TPRG1: variants seen among roughly 807,000 people sequenced by gnomAD.
TPRG1 encodes tumor protein p63 regulated 1.
A neutral mutation model predicts 29.3 loss-of-function variants in TPRG1; 29 were observed. The observed-to-expected ratio is 0.99, with a 90% confidence interval of 0.74 to 1.35. The LOEUF (loss-of-function observed/expected upper bound fraction) is 1.35. Ranked by LOEUF, TPRG1 falls within the 40% of genes most tolerant of loss-of-function variation. TPRG1 has a pLI of 0.00. For missense variants in TPRG1, 327 were observed against 335.0 expected (o/e 0.98, Z 0.19); for synonymous variants, 130 against 116.8 (o/e 1.11, Z -0.73).
intron 4 of TPRG1, among the ~76,000 whole-genome samples, chr3:189,274,935 A>AGTGTGTGTGTGTGT (rs57386934): frequency 2.9e-5 from 4 of 137,734 alleles, no homozygotes; most frequent in East Asian, 4.3e-4. Flanking sequence ...TAATGTAATG[A>AGTGTGTGTGTGTGT]GTGTGTGTGT....
chr3:189,110,422 C>T (rs1037972681), intron 1 of TPRG1, among the ~76,000 whole-genome samples: 4 of 151,990 alleles, frequency 2.6e-5, no homozygotes, highest in African/African-American at 9.7e-5. Flanking sequence ...TTTTAGACTT[C>T]TTTTTCTATT....
chr3:189,166,335 G>T (rs1391922100), intron 5 of TPRG1, among the ~76,000 whole-genome samples: 1 of 152,212 alleles, frequency 6.6e-6, no homozygotes, highest in Non-Finnish European at 1.5e-5. Flanking sequence ...GTTCTAGAGT[G>T]TAATCTTACT....
chr3:189,219,890 G>A, intron 3 of TPRG1: 1 of 444,014 alleles, frequency 2.3e-6, no homozygotes, highest in Non-Finnish European at 3.0e-6. Context: ...AACTCCACCT[G>A]GTGTCTATCC....
At chr3:189,216,128 T>G (rs1320592209) in intron 3 of TPRG1, among the ~76,000 whole-genome samples, 1 of 152,210 alleles carries the variant, frequency 6.6e-6, no homozygotes, top group Non-Finnish European at 1.5e-5. Context: ...AAAGGCAATT[T>G]TTTTTTACTA....
chr3:189,317,251 A>C (rs1385555528), intron 5 of TPRG1, among the ~76,000 whole-genome samples: 1 of 152,150 alleles, frequency 6.6e-6, no homozygotes, highest in Non-Finnish European at 1.5e-5. Context: ...AATTGTTGAG[A>C]TGAATTATAC....
In TPRG1 at chr3:189,323,495, G is replaced by A. The variant is rs945693870; in HGVS notation, c.*2675G>A. ...AAAGTTTTGAGTATTTGCCTAGAGA[G>A]TGATGTGACTTTTGCAGCAGAAGGT... On this transcript the variant is annotated 3_prime_UTR_variant, in exon 6 of 6. Transcript: ENST00000345063. 7.9e-5 allele frequency: 12 copies of A among 152,244 alleles called. No individual in the cohort carries two copies. Among genetic ancestry groups the A allele is most frequent in the African/African-American group, 2.9e-4 (12 of 41,558 alleles). 9.4% of individuals were successfully genotyped at this position (152,244 alleles called of 1,614,324 possible). A position where few individuals can be genotyped will look rare whatever the true frequency, so the allele number is the denominator to read the frequency against.
intron 1 of TPRG1, among the ~76,000 whole-genome samples, chr3:189,195,899 C>G (rs959138627): frequency 9.2e-5 from 14 of 152,184 alleles, no homozygotes; most frequent in African/African-American, 3.1e-4. Flanking sequence ...TGTTACTCCC[C>G]TGATGTACTT....
At chr3:189,260,980 C>T (rs564160076) in intron 4 of TPRG1, among the ~76,000 whole-genome samples, 1 of 152,266 alleles carries the variant, frequency 6.6e-6, no homozygotes, top group East Asian at 1.9e-4. Flanking sequence ...GAAACCGGCT[C>T]GTGGCCCGGG....
intron 4 of TPRG1, among the ~76,000 whole-genome samples, chr3:189,303,635 T>TG (rs1721178379): frequency 1.3e-5 from 2 of 152,226 alleles, no homozygotes; most frequent in African/African-American, 4.8e-5. Flanking sequence ...CATCCTAACT[T>TG]GGTCTGTAAA....
intron 1 of TPRG1, among the ~76,000 whole-genome samples, chr3:189,179,152 G>T (rs547920677): frequency 2.0e-5 from 3 of 152,152 alleles, no homozygotes; most frequent in Non-Finnish European, 4.4e-5. Context: ...GCTGTCTGAT[G>T]CTTTCTGTCA....
chr3:189,324,834 G>A lies in TPRG1; in HGVS notation c.*4014G>A, dbSNP rs966382402. On this transcript the variant is annotated 3_prime_UTR_variant, in exon 6 of 6. Transcript: ENST00000345063. ...AAAAAAGCCAAGGTATTTGCACAGG[G>A]ATGAATGCTCATTGGCTCTTGGCCA... The A allele has an allele frequency of 6.6e-6, 1 of 152,178 alleles. No homozygotes were observed. The highest frequency in any genetic ancestry group is 1.5e-5 in the Non-Finnish European group (1 of 68,040). 9.4% of individuals were successfully genotyped at this position (152,178 alleles called of 1,614,324 possible). A position where few individuals can be genotyped will look rare whatever the true frequency, so the allele number is the denominator to read the frequency against.
At chr3:189,136,905 A>G (rs1723810728) in intron 3 of TPRG1, among the ~76,000 whole-genome samples, 1 of 152,144 alleles carries the variant, frequency 6.6e-6, no homozygotes, top group African/African-American at 2.4e-5. Flanking sequence ...CAGTCACTCA[A>G]TGATCTTTAC....
chr3:189,067,864 A>G (rs2152148662), intron 4 of TPRG1, among the ~76,000 whole-genome samples: 1 of 152,334 alleles, frequency 6.6e-6, no homozygotes, highest in South Asian at 2.1e-4. Flanking sequence ...AACAAAGGAA[A>G]CAATCGACAA....
chr3:189,077,345 C>G (rs1256686385), intron 4 of TPRG1, among the ~76,000 whole-genome samples: 1 of 151,996 alleles, frequency 6.6e-6, no homozygotes, highest in African/African-American at 2.4e-5. Context: ...AAGCCAGATT[C>G]AACAAAAATA....
At chr3:189,253,302 T>G (rs1408506081) in intron 4 of TPRG1, among the ~76,000 whole-genome samples, 1 of 152,172 alleles carries the variant, frequency 6.6e-6, no homozygotes, top group African/African-American at 2.4e-5. Context: ...TCATGTGGTG[T>G]TTGGAACCAC....
At chr3:189,227,400 C>T (rs34401527) in intron 3 of TPRG1, among the ~76,000 whole-genome samples, 1 of 152,214 alleles carries the variant, frequency 6.6e-6, no homozygotes. Context: ...GCCACGGCAG[C>T]TGCCCTTCTG....
At chr3:189,104,737 C>T (rs1169228615) in intron 1 of TPRG1, among the ~76,000 whole-genome samples, 1 of 151,866 alleles carries the variant, frequency 6.6e-6, no homozygotes, top group African/African-American at 2.4e-5. Context: ...ATATACCCAC[C>T]TGAACTATTA....
intron 4 of TPRG1, among the ~76,000 whole-genome samples, chr3:189,059,114 A>G (rs1715923177): frequency 6.6e-6 from 1 of 152,184 alleles, no homozygotes; most frequent in South Asian, 2.1e-4. Flanking sequence ...AGCGAGCCTC[A>G]GTTTCCTGAT....
intron 5 of TPRG1, among the ~76,000 whole-genome samples, chr3:189,312,199 TTCTTTCTTTCTTTCTTTCTTAAGACGGAG>T (rs1722787920): frequency 1.0e-5 from 1 of 98,072 alleles, no homozygotes; most frequent in Non-Finnish European, 2.0e-5. Flanking sequence ...CTTTCTTTCT[TTCTTTCTTTCTTTCTTTCTTAAGACGGAG>T]TCTCGCTCTG....
Sources: allele counts gnomAD v4.1 joint callset (sites outside exome capture counted in the v4.1 genomes callset), GRCh38; gene constraint gnomAD v4.1.1; transcripts MANE v1.5; gene names NCBI Gene and HGNC (gene_info 2026-07-23, HGNC 2026-07-21).